PAX5: variants seen among roughly 807,000 people sequenced by gnomAD.
PAX5 encodes the protein paired box protein Pax-5.
PAX5 carries 9 observed loss-of-function variants against 43.7 expected under a neutral mutation model. That is an observed-to-expected ratio of 0.21 (90% CI 0.12 to 0.36). The LOEUF (loss-of-function observed/expected upper bound fraction) is 0.36. Ranked by LOEUF, PAX5 falls within the 10% of genes least tolerant of loss-of-function variation. The probability of loss-of-function intolerance (pLI) is 1.00; values close to 1 mark genes in which losing one functional copy is unlikely to be tolerated. For synonymous variants in PAX5, 228 were observed against 214.3 expected (o/e 1.06, Z -0.56); for missense variants, 383 against 532.7 (o/e 0.72, Z 2.77).
chr9:36,871,117 G>A (rs1346797280), intron 8 of PAX5, among the ~76,000 whole-genome samples: 2 of 152,244 alleles, frequency 1.3e-5, no homozygotes, highest in Non-Finnish European at 2.9e-5. Flanking sequence ...CAGTGCTACT[G>A]GGAGGTGCCT....
At chr9:36,907,548 A>C (rs897110776) in intron 7 of PAX5, among the ~76,000 whole-genome samples, 7 of 152,134 alleles carry the variant, frequency 4.6e-5, no homozygotes, top group Non-Finnish European at 8.8e-5. Context: ...ATACTGAGAG[A>C]GATTCGCCCC....
At chr9:36,889,942 G>GGC (rs199624184) in intron 7 of PAX5, among the ~76,000 whole-genome samples, 6,867 of 69,490 alleles carry the variant, frequency 0.099, 221 homozygotes, top group African/African-American at 0.18. Context: ...GTACACTAAC[G>GGC]GGGGGGGGGG....
intron 7 of PAX5, among the ~76,000 whole-genome samples, chr9:36,888,536 G>A (rs1176524771): frequency 3.3e-5 from 5 of 152,212 alleles, no homozygotes; most frequent in African/African-American, 7.2e-5. Context: ...ACTATGTATT[G>A]TGTGAATATA....
At chr9:36,874,043 C>A (rs1825712358) in intron 8 of PAX5, among the ~76,000 whole-genome samples, 1 of 152,180 alleles carries the variant, frequency 6.6e-6, no homozygotes, top group Admixed American at 6.5e-5. Context: ...CAGAGCAGGC[C>A]TGTAGGGCAG....
Position 36,911,741 on chromosome 9 carries a change from C to T in PAX5, c.910+11614G>A, listed in dbSNP as rs576376417. 2.0e-5 allele frequency among the ~76,000 whole-genome samples: 3 copies of T among 152,328 alleles called. No individual in the cohort carries two copies. In the East Asian group the frequency reaches 5.8e-4, roughly 29 times the overall value. ...GAGGCATGCCCCATGGAAAAATGAACAAATCGCTGTTCAGAGCTGCCTGGC... is the reference window on the plus strand; with the variant it reads ...GAGGCATGCCCCATGGAAAAATGAATAAATCGCTGTTCAGAGCTGCCTGGC... On this transcript the variant is annotated intron_variant, in intron 7 of 9. Transcript: ENST00000358127.
intron 8 of PAX5, among the ~76,000 whole-genome samples, chr9:36,863,926 T>A (rs903444559): frequency 6.6e-6 from 1 of 152,184 alleles, no homozygotes; most frequent in Non-Finnish European, 1.5e-5. Context: ...CTGGCCAACA[T>A]GGTGAAACCC....
At position 37,029,344 on chromosome 9, in the gene PAX5, T is replaced by C. The variant is rs1291538917; in HGVS notation, c.46+4642A>G. On this transcript the variant is annotated intron_variant, in intron 1 of 9. Coordinates refer to ENST00000358127, the MANE Select transcript of PAX5 (RefSeq NM_016734.3). ...TCTGTCCCTGTTCCACACCCAGCTG[T>C]CCCTGACCAGTAGACAAGTTTCCGG... Among the ~76,000 whole-genome samples the C allele has an allele frequency of 3.9e-5, 6 of 152,192 alleles. No homozygotes were observed. In the South Asian group the frequency reaches 1.0e-3, roughly 26 times the overall value.
At position 36,908,283 on chromosome 9, in the gene PAX5, T is replaced by G. The variant is rs544125705; in HGVS notation, c.910+15072A>C. ...AGAAGCCAAGAGTGGATGGCTTCCCTGGAGCAGCTTAGATGTTGCTTCCCC... is the reference window on the plus strand; with the variant it reads ...AGAAGCCAAGAGTGGATGGCTTCCCGGGAGCAGCTTAGATGTTGCTTCCCC... On this transcript the variant is annotated intron_variant, in intron 7 of 9. Transcript: ENST00000358127. Among the ~76,000 whole-genome samples, 3 of 152,070 alleles carry G rather than the reference T, an allele frequency of 2.0e-5. No individual in the cohort carries two copies. In the South Asian group the frequency reaches 6.3e-4, roughly 32 times the overall value.
In PAX5 at chr9:36,922,413, C is replaced by T. The variant is rs186351404; in HGVS notation, c.910+942G>A. ...CTTGTCTATTTGTGCAGTACCCGAGCGGGCCTCCTGCCTGCCCGGTTGGAC... is the reference window on the plus strand; with the variant it reads ...CTTGTCTATTTGTGCAGTACCCGAGTGGGCCTCCTGCCTGCCCGGTTGGAC... On this transcript the variant is annotated intron_variant, in intron 7 of 9. Transcript: ENST00000358127. Among the ~76,000 whole-genome samples, 23 of 152,302 alleles carry T rather than the reference C, an allele frequency of 1.5e-4. 1 individual carries two copies. Among genetic ancestry groups the T allele is most frequent in the Non-Finnish European group, 2.4e-4 (16 of 68,026 alleles).
intron 8 of PAX5, among the ~76,000 whole-genome samples, chr9:36,879,428 C>T (rs902665521): frequency 3.3e-5 from 5 of 152,208 alleles, no homozygotes; most frequent in Admixed American, 1.3e-4. Flanking sequence ...AGCTTCACCA[C>T]TGACATGCTC....
rs144188940 is a variant in PAX5, at chr9:37,012,947, G to C, written c.410+2050C>G. On this transcript the variant is annotated intron_variant, in intron 3 of 9. Transcript: ENST00000358127. ...TTTTTAATTGAAATTAGTTGCCTCT[G>C]TTAAAAAAATATATAGATTAAGCTA... Among the ~76,000 whole-genome samples the C allele has an allele frequency of 1.8e-3, 267 of 152,208 alleles. 1 individual carries two copies. Among genetic ancestry groups the C allele is most frequent in the African/African-American group, 6.2e-3 (259 of 41,540 alleles).
At chr9:36,894,461 C>T (rs1827679442) in intron 7 of PAX5, among the ~76,000 whole-genome samples, 1 of 152,160 alleles carries the variant, frequency 6.6e-6, no homozygotes, top group Admixed American at 6.5e-5. Flanking sequence ...GATGTGAAAT[C>T]TTTGTAAAGG....
At chr9:36,982,310 C>T (rs138693047) in intron 5 of PAX5, among the ~76,000 whole-genome samples, 12 of 152,004 alleles carry the variant, frequency 7.9e-5, no homozygotes, top group Admixed American at 7.9e-4. Context: ...ATAAAAAGAA[C>T]AAGATGTGTA....
At chr9:36,937,492 A>G (rs1831654844) in intron 6 of PAX5, among the ~76,000 whole-genome samples, 2 of 152,154 alleles carry the variant, frequency 1.3e-5, no homozygotes, top group South Asian at 4.1e-4. Context: ...GTTTGACTCC[A>G]AAGCCTGTGT....
At chr9:37,033,965 G>C (rs368379971) in intron 1 of PAX5, 21 bp downstream of exon 1, 1 of 1,610,704 alleles carries the variant, frequency 6.2e-7, no homozygotes, top group Non-Finnish European at 8.5e-7. Flanking sequence ...TGCACATCTG[G>C]AGCCCGTATC....
chr9:36,931,792 A>G (rs990737444), intron 6 of PAX5, among the ~76,000 whole-genome samples: 1 of 149,918 alleles, frequency 6.7e-6, no homozygotes, highest in Non-Finnish European at 1.5e-5. Context: ...GAGGCTGCAC[A>G]CTGAGCCGAG....
chr9:36,910,125 G>A (rs949179), intron 7 of PAX5, among the ~76,000 whole-genome samples: 4,427 of 152,140 alleles, frequency 0.029, 133 homozygotes, highest in Admixed American at 0.087. Context: ...CTTTTTGATA[G>A]CCGATATGTT....
intron 5 of PAX5, among the ~76,000 whole-genome samples, chr9:36,999,468 C>T (rs1421875666): frequency 2.0e-5 from 3 of 152,214 alleles, no homozygotes; most frequent in South Asian, 2.1e-4. Flanking sequence ...TCCTATCACC[C>T]GTTCACCTCT....
chr9:36,949,183 C>T (rs897188864), intron 6 of PAX5, among the ~76,000 whole-genome samples: 1 of 152,132 alleles, frequency 6.6e-6, no homozygotes, highest in African/African-American at 2.4e-5. Context: ...GCCTCAGCCT[C>T]CCAAGCAGCT....
Sources: allele counts gnomAD v4.1 joint callset (sites outside exome capture counted in the v4.1 genomes callset), GRCh38; gene constraint gnomAD v4.1.1; transcripts MANE v1.5; gene names NCBI Gene and HGNC (gene_info 2026-07-23, HGNC 2026-07-21).